The following ZNF429 variants were observed in gnomAD, a reference collection of about 807,000 sequenced individuals.
The protein encoded by ZNF429 is zinc finger protein 429.
A neutral mutation model predicts 56.8 loss-of-function variants in ZNF429; 53 were observed. That is an observed-to-expected ratio of 0.93 (90% CI 0.75 to 1.17). The LOEUF (loss-of-function observed/expected upper bound fraction) is 1.17, where lower values mean the gene tolerates loss of function less well. Among genes scored for constraint, ZNF429 ranks in the 50% most tolerant of loss-of-function variants. ZNF429 has a pLI of 0.00. For missense variants in ZNF429, 849 were observed against 788.4 expected (o/e 1.08, Z -0.92); for synonymous variants, 278 against 264.7 (o/e 1.05, Z -0.49).
In ZNF429 at chr19:21,537,477, A is replaced by T. The variant is rs768947209; in HGVS notation, c.1424A>T (p.His475Leu). The change falls in exon 4 of 4, where the codon CAT becomes CTT. Residue 475 changes from histidine to leucine, a missense_variant. By Grantham distance (99) the His-to-Leu change is moderately conservative. Coordinates refer to ENST00000358491, the MANE Select transcript of ZNF429 (RefSeq NM_001001415.4). ...CACCTTACTAGCCATAGGAGAATTC[A>T]TACTGGAGAGAAACCCTACAAATGT... is the stretch of plus-strand genomic sequence containing the variant. ...SSHLTSHRRI[H>L]TGEKPYKCEE... 6.2e-7 allele frequency: 1 copy of T among 1,613,912 alleles called. No homozygotes were observed. The highest frequency in any genetic ancestry group is 1.7e-5 in the Admixed American group (1 of 60,000).
At chr19:21,535,315 C>CTTTCTTTCTTTCTTTCTCT in intron 3 of ZNF429, among the ~76,000 whole-genome samples, 1 of 134,000 alleles carries the variant, frequency 7.5e-6, no homozygotes, top group Non-Finnish European at 1.6e-5. Context: ...TTCTTTCTTT[C>CTTTCTTTCTTTCTTTCTCT]TTTCTTTCTT....
intron 1 of ZNF429, among the ~76,000 whole-genome samples, chr19:21,509,147 T>C (rs1474065559): frequency 6.6e-6 from 1 of 152,040 alleles, no homozygotes; most frequent in Non-Finnish European, 1.5e-5. Context: ...TAGCTGGAAC[T>C]ACAGGCGCAC....
intron 1 of ZNF429, among the ~76,000 whole-genome samples, chr19:21,513,743 G>A (rs116163303): frequency 1.3e-3 from 195 of 152,330 alleles, no homozygotes; most frequent in African/African-American, 4.4e-3. Context: ...ATTGTCCTGT[G>A]ATTCCAGGTG....
intron 1 of ZNF429, among the ~76,000 whole-genome samples, chr19:21,528,073 C>G (rs976918065): frequency 2.0e-5 from 3 of 152,112 alleles, no homozygotes; most frequent in Non-Finnish European, 4.4e-5. Flanking sequence ...TCTCTACATT[C>G]TCTACATCAT....
chr19:21,519,951 G>A (rs2032929207), intron 1 of ZNF429, among the ~76,000 whole-genome samples: 1 of 151,738 alleles, frequency 6.6e-6, no homozygotes, highest in Non-Finnish European at 1.5e-5. Flanking sequence ...AACCTCCTGG[G>A]TTCAAGCAAT....
At chr19:21,535,416 CTTTCTTTCTTTCTTT>C in intron 3 of ZNF429, among the ~76,000 whole-genome samples, 550 of 7,914 alleles carry the variant, frequency 0.069, 91 homozygotes, top group Non-Finnish European at 0.13. Context: ...TTTTTCTTTT[CTTTCTTTCTTTCTTT>C]CTTTCTTTCT....
chr19:21,534,473 T>G lies in ZNF429; in HGVS notation c.227-1807T>G. On this transcript the variant is annotated intron_variant, in intron 3 of 3. Coordinates refer to ENST00000358491, the MANE Select transcript of ZNF429 (RefSeq NM_001001415.4). Reference sequence around the variant, plus strand: ...TCAACGCAGCCTCAACCTCCTGAGCTCAAGTGATCCTTCCATCTCAGTCTC... The same window carrying G: ...TCAACGCAGCCTCAACCTCCTGAGCGCAAGTGATCCTTCCATCTCAGTCTC... Among the ~76,000 whole-genome samples, 12 of 102,352 alleles carry G rather than the reference T, an allele frequency of 1.2e-4. 1 individual carries two copies. In the South Asian group the frequency reaches 3.4e-3, roughly 29 times the overall value. 67.1% of individuals were successfully genotyped at this position (102,352 alleles called of 152,430 possible).
chr19:21,540,395 T>C lies in ZNF429; in HGVS notation c.*2317T>C, dbSNP rs12973084. 0.54 allele frequency among the ~76,000 whole-genome samples: 81,696 copies of C among 151,766 alleles called. 22,137 individuals are homozygous for C. The highest frequency in any genetic ancestry group is 0.63 in the South Asian group (3,027 of 4,826). On this transcript the variant is annotated 3_prime_UTR_variant, in exon 4 of 4. Coordinates refer to ENST00000358491, the MANE Select transcript of ZNF429 (RefSeq NM_001001415.4). ...TTATCCTTTTTTTGATATTTAAATT[T>C]TTTTCTTATTTTTTTGTGGGTACAT...
intron 1 of ZNF429, among the ~76,000 whole-genome samples, chr19:21,526,254 T>A (rs2033168809): frequency 6.6e-6 from 1 of 152,126 alleles, no homozygotes; most frequent in East Asian, 1.9e-4. Flanking sequence ...TAGTGGTGAT[T>A]TGTGAGATTT....
Position 21,530,810 on chromosome 19 carries a change from T to C in ZNF429, c.226+126T>C. 1.6e-5 allele frequency: 13 copies of C among 793,538 alleles called. No individual in the cohort carries two copies. The Admixed American group carries it at 3.6e-4, about 22-fold the overall frequency. 49.2% of individuals were successfully genotyped at this position (793,538 alleles called of 1,614,324 possible). ...GAAAATATTTTCTGAAAAACTGTGTTCTAAAAAACTTTCAGCCTGGCACAG... is the reference window on the plus strand; with the variant it reads ...GAAAATATTTTCTGAAAAACTGTGTCCTAAAAAACTTTCAGCCTGGCACAG... On this transcript the variant is annotated intron_variant, in intron 3 of 3. Coordinates refer to ENST00000358491, the MANE Select transcript of ZNF429 (RefSeq NM_001001415.4).
At chr19:21,527,295 G>C (rs149274219) in intron 1 of ZNF429, among the ~76,000 whole-genome samples, 3 of 152,230 alleles carry the variant, frequency 2.0e-5, no homozygotes, top group Non-Finnish European at 4.4e-5. Context: ...ACAGCTCGAG[G>C]GGCAATGCTT....
At chr19:21,512,534 GGCGCCTGTAATCCCA>G (rs2032542701) in intron 1 of ZNF429, among the ~76,000 whole-genome samples, 1 of 151,752 alleles carries the variant, frequency 6.6e-6, no homozygotes, top group African/African-American at 2.4e-5. Context: ...CATGGTGGCG[GGCGCCTGTAATCCCA>G]GCTACTTGGG....
chr19:21,524,527 CAAA>C (rs956212682), intron 1 of ZNF429, among the ~76,000 whole-genome samples: 2 of 137,492 alleles, frequency 1.5e-5, no homozygotes, highest in East Asian at 2.1e-4. Flanking sequence ...GACTCCATCT[CAAA>C]AAAAAAAAAA....
Position 21,536,285 on chromosome 19 carries a change from T to C in ZNF429, c.232T>C (p.Cys78Arg). ...HEMVDEPPVV[C>R]SHFAEDFWPE... ...TTGTTTTAATTTTATTTTAGTTGTG[T>C]GTTCTCATTTTGCTGAAGACTTTTG... Residue 78 changes from cysteine to arginine, a missense_variant, in exon 4 of 4, where the codon TGT (cysteine) becomes CGT (arginine). Coordinates refer to ENST00000358491, the MANE Select transcript of ZNF429 (RefSeq NM_001001415.4). 1 of 1,566,552 alleles carries C rather than the reference T, an allele frequency of 6.4e-7. No homozygotes were observed. The highest frequency in any genetic ancestry group is 8.6e-7 in the Non-Finnish European group (1 of 1,160,502).
chr19:21,538,020 C>A lies in ZNF429; in HGVS notation c.1967C>A (p.Thr656Asn), dbSNP rs749726700. The A allele has an allele frequency of 6.2e-7, 1 of 1,606,234 alleles. No individual in the cohort carries two copies. Among genetic ancestry groups the A allele is most frequent in the Admixed American group, 1.7e-5 (1 of 59,660 alleles). ...GVVAHACNPS[T>N]LGGRGGRITR... Reference sequence around the variant, plus strand: ...GTGGCTCATGCCTGTAATCCCAGCACTTTGGGAGGCAGAGGTGGGCGGATC... The same window carrying A: ...GTGGCTCATGCCTGTAATCCCAGCAATTTGGGAGGCAGAGGTGGGCGGATC... Residue 656 changes from threonine to asparagine, a missense_variant, in exon 4 of 4, where the codon ACT (threonine) becomes AAT (asparagine). By Grantham distance (65) the Thr-to-Asn change is moderately conservative (BLOSUM62 0). Coordinates refer to ENST00000358491, the MANE Select transcript of ZNF429 (RefSeq NM_001001415.4).
rs1272108137 is a variant in ZNF429 at position 21,536,656 on chromosome 19, C to T, written c.603C>T (p.Tyr201=). 6.2e-7 allele frequency: 1 copy of T among 1,613,992 alleles called. No homozygotes were observed. Among genetic ancestry groups the T allele is most frequent in the Non-Finnish European group, 8.5e-7 (1 of 1,179,920 alleles). ...AAATTCATATTAGAGAGAATACCTA[C>T]AGATGTAAAGAATTTGGCAATGCCT... The part of the protein sequence containing the change: ...HKKIHIRENT[Y]RCKEFGNAFN... The change falls in exon 4 of 4, where the codon TAC becomes TAT. Residue 201 remains tyrosine, a synonymous_variant. Transcript: ENST00000358491.
chr19:21,531,131 CAAAAAAAAAAAAACA>C, intron 3 of ZNF429, among the ~76,000 whole-genome samples: 4 of 44,784 alleles, frequency 8.9e-5, no homozygotes, highest in South Asian at 7.2e-4. Context: ...AAAAAAAAAC[CAAAAAAAAAAAAACA>C]CCCGTCTTGG....
At chr19:21,522,440 G>T (rs562688083) in intron 1 of ZNF429, among the ~76,000 whole-genome samples, 1 of 152,116 alleles carries the variant, frequency 6.6e-6, no homozygotes, top group East Asian at 1.9e-4. Context: ...AAACTCTTTT[G>T]TTCTATCATT....
intron 1 of ZNF429, among the ~76,000 whole-genome samples, chr19:21,524,417 G>A (rs2033092578): frequency 6.6e-6 from 1 of 152,030 alleles, no homozygotes; most frequent in Admixed American, 6.5e-5. Context: ...AATCCCAGCT[G>A]TTCAGGAGGC....
Sources: allele counts gnomAD v4.1 joint callset (sites outside exome capture counted in the v4.1 genomes callset), GRCh38; gene constraint gnomAD v4.1.1; transcripts MANE v1.5; gene names NCBI Gene and HGNC (gene_info 2026-07-23, HGNC 2026-07-21).